The following ATP13A4 variants were observed in gnomAD, a reference collection of about 807,000 sequenced individuals.
ATP13A4 encodes the protein probable cation-transporting ATPase 13A4.
ATP13A4 carries 114 observed loss-of-function variants against 142.5 expected under a neutral mutation model. The observed-to-expected ratio is 0.80, with a 90% CI of 0.69 to 0.93. The LOEUF (loss-of-function observed/expected upper bound fraction) is 0.93, where lower values mean the gene tolerates loss of function less well. Among genes scored for constraint, ATP13A4 ranks in the 40% least tolerant of loss-of-function variants. The pLI is 0.00. For missense variants in ATP13A4, 1,392 were observed against 1,454.0 expected (o/e 0.96, Z 0.69); for synonymous variants, 488 against 514.8 (o/e 0.95, Z 0.70).
In ATP13A4 at chr3:193,430,275, T is replaced by A. The variant is rs1388823203; in HGVS notation, c.2842+3570A>T. On this transcript the variant is annotated intron_variant, in intron 25 of 29. Coordinates refer to ENST00000342695, the MANE Select transcript of ATP13A4 (RefSeq NM_032279.4). ...AATTTGGCTTCGTGTGAAGGGGAAC[T>A]CTGCTGACAAAGTTAACAAAGCCTG... Among the ~76,000 whole-genome samples the A allele has an allele frequency of 2.0e-5, 3 of 152,252 alleles. No homozygotes were observed. In the East Asian group the frequency reaches 5.8e-4, roughly 29 times the overall value.
chr3:193,568,001 C>T (rs1724176766), intron 2 of ATP13A4, among the ~76,000 whole-genome samples: 1 of 151,958 alleles, frequency 6.6e-6, no homozygotes, highest in Non-Finnish European at 1.5e-5. Context: ...CTCTTATTGC[C>T]CAGACTGGAG....
intron 7 of ATP13A4, among the ~76,000 whole-genome samples, chr3:193,488,936 G>A (rs1719790329): frequency 6.6e-6 from 1 of 152,156 alleles, no homozygotes; most frequent in Non-Finnish European, 1.5e-5. Context: ...CTGGCGAAGG[G>A]CACTTCCTTC....
At position 193,573,293 on chromosome 3, in the gene ATP13A4, A is replaced by G. The variant is rs889417911; in HGVS notation, n.291+8414T>C. On this transcript the variant is annotated intron_variant and non_coding_transcript_variant, in intron 2 of 3. Coordinates refer to the ATP13A4 transcript ENST00000489140. ...TATATATACATATATATATATACAC[A>G]TATATATATATATACATATATATAT... 6.5e-4 allele frequency among the ~76,000 whole-genome samples: 35 copies of G among 54,118 alleles called. 1 individual carries two copies. The highest frequency in any genetic ancestry group is 3.6e-3 in the African/African-American group (32 of 8,868). The allele number at this position is 54,118 out of a possible 152,430, so 35.5% of individuals were successfully genotyped here. A position where few individuals can be genotyped will look rare whatever the true frequency, so the allele number is the denominator to read the frequency against.
At chr3:193,581,828 C>T (rs1312042832) in exon 2 of ATP13A4, 5 of 152,070 alleles carry the variant, frequency 3.3e-5, no homozygotes, top group Non-Finnish European at 7.3e-5. Context: ...CTTGAATTGC[C>T]AACATTTCTC....
chr3:193,484,918 A>G (rs1719515135), intron 7 of ATP13A4, among the ~76,000 whole-genome samples: 7 of 152,204 alleles, frequency 4.6e-5, no homozygotes, highest in Admixed American at 4.6e-4. Context: ...CATTTATAGC[A>G]AAGGGAATCA....
intron 22 of ATP13A4, 99 bp from the exon 23 acceptor site, chr3:193,438,683 T>A (rs1716447540): frequency 2.0e-6 from 2 of 1,023,878 alleles, no homozygotes; most frequent in African/African-American, 3.2e-5. Context: ...CAAGGTGGTT[T>A]GTGTGCCCAA....
intron 29 of ATP13A4, among the ~76,000 whole-genome samples, chr3:193,404,539 T>C (rs1234008390): frequency 6.6e-6 from 1 of 152,044 alleles, no homozygotes; most frequent in African/African-American, 2.4e-5. Context: ...TAGGGATGGA[T>C]TTCCTTCTTG....
At chr3:193,469,890 C>T (rs968767530) in intron 9 of ATP13A4, among the ~76,000 whole-genome samples, 3 of 152,182 alleles carry the variant, frequency 2.0e-5, no homozygotes, top group African/African-American at 7.2e-5. Context: ...TGGTACTTGG[C>T]ACTGCAGAAG....
At chr3:193,423,082 A>C (rs568679415) in intron 25 of ATP13A4, among the ~76,000 whole-genome samples, 9 of 150,054 alleles carry the variant, frequency 6.0e-5, no homozygotes, top group Non-Finnish European at 1.0e-4. Flanking sequence ...ACTATTATGA[A>C]CAACTGTATG....
chr3:193,469,946 A>G (rs76736032), intron 9 of ATP13A4, among the ~76,000 whole-genome samples: 1 of 152,212 alleles, frequency 6.6e-6, no homozygotes, highest in East Asian at 1.9e-4. Context: ...TTTTGAGGGA[A>G]AAGAACCTGC....
chr3:193,448,911 C>G (rs1293853360), intron 17 of ATP13A4, among the ~76,000 whole-genome samples: 1 of 152,124 alleles, frequency 6.6e-6, no homozygotes, highest in Non-Finnish European at 1.5e-5. Context: ...TGTGGCTAGC[C>G]TGATTTTCAT....
intron 1 of ATP13A4, among the ~76,000 whole-genome samples, chr3:193,590,531 T>G (rs1028858357): frequency 7.2e-5 from 11 of 152,202 alleles, no homozygotes; most frequent in African/African-American, 2.4e-4. Context: ...TTCAGGCCCC[T>G]CTCATGATCC....
intron 9 of ATP13A4, among the ~76,000 whole-genome samples, chr3:193,468,446 G>T (rs1259281986): frequency 6.6e-6 from 1 of 152,132 alleles, no homozygotes; most frequent in Non-Finnish European, 1.5e-5. Flanking sequence ...AGGAAGCACT[G>T]CATTCAGGAA....
chr3:193,464,654 G>A (rs528315137), intron 12 of ATP13A4, among the ~76,000 whole-genome samples: 1 of 152,140 alleles, frequency 6.6e-6, no homozygotes, highest in African/African-American at 2.4e-5. Context: ...TTGTATGAAG[G>A]TTTTGACTGC....
intron 2 of ATP13A4, among the ~76,000 whole-genome samples, chr3:193,502,907 C>G (rs1720634539): frequency 6.6e-6 from 1 of 152,144 alleles, no homozygotes; most frequent in Non-Finnish European, 1.5e-5. Flanking sequence ...CAGGTAAGAA[C>G]TAGTTCACTG....
intron 1 of ATP13A4, among the ~76,000 whole-genome samples, chr3:193,587,817 T>C (rs1437306483): frequency 1.3e-5 from 2 of 152,126 alleles, no homozygotes; most frequent in Non-Finnish European, 2.9e-5. Flanking sequence ...AGTATAAAAA[T>C]TGTAAAAACT....
intron 1 of ATP13A4, among the ~76,000 whole-genome samples, chr3:193,585,823 G>A (rs541238209): frequency 2.2e-4 from 34 of 152,196 alleles, no homozygotes; most frequent in African/African-American, 8.2e-4. Context: ...CCATGAACAC[G>A]TTTTTACTTC....
intron 8 of ATP13A4, among the ~76,000 whole-genome samples, chr3:193,480,222 A>C (rs1719211019): frequency 6.6e-6 from 1 of 152,218 alleles, no homozygotes; most frequent in Non-Finnish European, 1.5e-5. Flanking sequence ...TCATAACAAG[A>C]ACCCAAAAGC....
upstream of ATP13A4, among the ~76,000 whole-genome samples, chr3:193,559,302 G>A (rs1451172266): frequency 1.3e-5 from 2 of 152,134 alleles, no homozygotes; most frequent in African/African-American, 4.8e-5. Context: ...CTTTACCATG[G>A]AGAGGAACCT....
Sources: allele counts gnomAD v4.1 joint callset (sites outside exome capture counted in the v4.1 genomes callset), GRCh38; gene constraint gnomAD v4.1.1; transcripts MANE v1.5; gene names NCBI Gene and HGNC (gene_info 2026-07-23, HGNC 2026-07-21).